STARD8: variants seen among roughly 807,000 people sequenced by gnomAD.
The protein encoded by STARD8 is stAR-related lipid transfer protein 8.
In STARD8, 25 loss-of-function variants were observed where a neutral mutation model predicts 69.4. The ratio of observed to expected loss-of-function variants is 0.36; its 90% confidence interval spans 0.26 to 0.50. STARD8 has a LOEUF of 0.50. Ranked by LOEUF, STARD8 falls within the 20% of genes least tolerant of loss-of-function variation. The probability of loss-of-function intolerance (pLI) is 0.96; values close to 1 mark genes in which losing one functional copy is unlikely to be tolerated. For synonymous variants in STARD8, 389 were observed against 374.6 expected, an observed-to-expected ratio of 1.04 and a Z score of -0.45; for missense variants, 921 against 932.5, an observed-to-expected ratio of 0.99 and a Z score of 0.16.
intron 2 of STARD8, among the ~76,000 whole-genome samples, chrX:68,685,221 C>T (rs2079824054): frequency 1.8e-5 from 2 of 111,836 alleles, no homozygotes; most frequent in African/African-American, 6.5e-5. Context: ...ATTCATTATT[C>T]CCATCGTGTC....
intron 2 of STARD8, among the ~76,000 whole-genome samples, chrX:68,706,392 A>T (rs914203717): frequency 5.4e-5 from 6 of 111,774 alleles, no homozygotes; most frequent in African/African-American, 2.0e-4. Context: ...AGAGAGAGGC[A>T]CCAGTGAACT....
intron 2 of STARD8, among the ~76,000 whole-genome samples, chrX:68,689,063 TCCTGTCCTCG>T (rs2147899679): frequency 9.9e-6 from 1 of 101,011 alleles, no homozygotes; most frequent in East Asian, 3.2e-4. Context: ...AGGGGAGCAC[TCCTGTCCTCG>T]CCTGTTGTGT....
In STARD8 at chrX:68,722,118, A is replaced by G; in HGVS notation, c.2531A>G (p.Gln844Arg). The change falls in exon 11 of 15, where the codon CAG becomes CGG. Residue 844 changes from glutamine to arginine, a missense_variant. Transcript: ENST00000374599. ...RDLSDNMAAT[Q>R]GLSHMISDCK... ...CTGAGTGACAACATGGCAGCCACCC[A>G]GGGCCTGTCGCACATGATCAGTGAC... 1 of 1,207,844 alleles carries G rather than the reference A, an allele frequency of 8.3e-7. No individual in the cohort carries two copies. The highest frequency in any genetic ancestry group is 1.1e-6 in the Non-Finnish European group (1 of 892,695).
chrX:68,722,396 A>C lies in STARD8; in HGVS notation c.2575-26A>C, dbSNP rs772120578. ...GGGGTCTCCTGCTCTCTGGAGCTGC[A>C]GCCCATTGTGTGTGTGCCCTCTCAG... On this transcript the variant is annotated intron_variant, in intron 11 of 14. Transcript: ENST00000374599. 11 of 1,158,545 alleles carry C rather than the reference A, an allele frequency of 9.5e-6. No individual in the cohort carries two copies. In the East Asian group the frequency reaches 3.5e-4, roughly 37 times the overall value.
rs148535305 is a variant in STARD8, at chrX:68,718,451, C to T, written c.1537C>T (p.Leu513=). The T allele has an allele frequency of 6.3e-4, 762 of 1,210,640 alleles. 4 individuals are homozygous for T. The South Asian group carries it at 9.7e-3, about 15-fold the overall frequency. ...SGGEPTFASS[L]SVEEGHSISD... is the part of the protein sequence containing the mutation. ...CGGGGAACCCACCTTTGCCTCTAGCCTGTCTGTGGAAGAAGGACACTCCAT... is the reference window on the plus strand; with the variant it reads ...CGGGGAACCCACCTTTGCCTCTAGCTTGTCTGTGGAAGAAGGACACTCCAT... The change falls in exon 6 of 15, where the codon CTG becomes TTG. Residue 513 remains leucine, a synonymous_variant. Transcript: ENST00000374599.
chrX:68,677,847 C>T (rs1047917267), intron 2 of STARD8, among the ~76,000 whole-genome samples: 3 of 90,253 alleles, frequency 3.3e-5, no homozygotes, highest in East Asian at 4.1e-4. Flanking sequence ...ACCCACCCCC[C>T]CAATGTATGA....
chrX:68,724,439 AG>A lies in STARD8; in HGVS notation c.*20del. ...AAGCTGTGAGCCTTGGGCTGGTCCCAGGGTGGCACCACCCAGGCCCCCTGGG... is the reference window on the plus strand; with the variant it reads ...AAGCTGTGAGCCTTGGGCTGGTCCCAGGTGGCACCACCCAGGCCCCCTGGG... On this transcript the variant is annotated 3_prime_UTR_variant, in exon 15 of 15. Coordinates refer to ENST00000374599, the MANE Select transcript of STARD8 (RefSeq NM_001142503.3). 3 of 1,175,874 alleles carry A rather than the reference AG, an allele frequency of 2.6e-6. No homozygotes were observed. Among genetic ancestry groups the A allele is most frequent in the Non-Finnish European group, 3.5e-6 (3 of 868,440 alleles).
In STARD8 at chrX:68,718,068, A is replaced by G. The variant is rs201447670; in HGVS notation, c.1154A>G (p.Tyr385Cys). 4.0e-5 allele frequency: 48 copies of G among 1,209,525 alleles called. No homozygotes were observed. The highest frequency in any genetic ancestry group is 5.3e-5 in the Non-Finnish European group (47 of 894,984). Residue 385 changes from tyrosine to cysteine, a missense_variant, in exon 6 of 15, where the codon TAT (tyrosine) becomes TGT (cysteine). Tyr to Cys is a radical substitution (Grantham distance 194). Transcript: ENST00000374599. ...DEDDEESGGS[Y>C]AHLDDILQHV... Reference sequence around the variant, plus strand: ...GATGATGAGGAGAGTGGGGGCAGCTATGCTCACCTAGACGACATCCTCCAG... The same window carrying G: ...GATGATGAGGAGAGTGGGGGCAGCTGTGCTCACCTAGACGACATCCTCCAG...
intron 2 of STARD8, 34 bp downstream of exon 2, chrX:68,665,566 A>G (rs2147880241): frequency 8.4e-7 from 1 of 1,196,684 alleles, no homozygotes; most frequent in Non-Finnish European, 1.1e-6. Flanking sequence ...CAAGTGGCAT[A>G]CAAAGAGACT....
chrX:68,668,806 T>G (rs1356461885), intron 2 of STARD8, among the ~76,000 whole-genome samples: 1 of 112,132 alleles, frequency 8.9e-6, no homozygotes, highest in Non-Finnish European at 1.9e-5. Flanking sequence ...TCCATGCCAT[T>G]AAGTACTTAA....
Position 68,716,375 on chromosome X carries a change from A to G in STARD8, c.241A>G (p.Met81Val). 8.3e-7 allele frequency: 1 copy of G among 1,210,870 alleles called. No homozygotes were observed. The highest frequency in any genetic ancestry group is 1.1e-6 in the Non-Finnish European group (1 of 894,999). The change falls in exon 5 of 15, where the codon ATG (methionine) becomes GTG (valine). Residue 81 changes from methionine to valine, a missense_variant. Transcript: ENST00000374599. The part of the protein sequence containing the change: ...DSLGALCRRL[M>V]TLNNCASMKL... ...ACTTCCATTTTGTTACAGGAGGCTG[A>G]TGACCTTGAATAATTGTGCCTCGAT...
chrX:68,691,738 CCCT>C (rs2079878005), intron 2 of STARD8, among the ~76,000 whole-genome samples: 1 of 111,934 alleles, frequency 8.9e-6, no homozygotes, highest in African/African-American at 3.3e-5. Flanking sequence ...TCATACTATA[CCCT>C]CCTCCTTTTT....
intron 1 of STARD8, among the ~76,000 whole-genome samples, chrX:68,652,044 G>C (rs2079551452): frequency 9.5e-6 from 1 of 105,104 alleles, no homozygotes; most frequent in Non-Finnish European, 1.9e-5. Flanking sequence ...TTTTAGTAGA[G>C]ACAGGGTTTC....
intron 2 of STARD8, chrX:68,693,528 A>C (rs756156106): frequency 4.6e-4 from 236 of 518,577 alleles, no homozygotes; most frequent in Non-Finnish European, 5.2e-4. Context: ...GCCCACCCAG[A>C]TTTGGGTGAC....
intron 1 of STARD8, among the ~76,000 whole-genome samples, chrX:68,653,743 C>CCACACA (rs1344880105): frequency 2.1e-5 from 2 of 97,413 alleles, no homozygotes; most frequent in Admixed American, 2.2e-4. Context: ...ACACCACACG[C>CCACACA]CACACACACA....
At chrX:68,665,451 A>T (rs1279459328) in intron 1 of STARD8, 48 bp from the exon 2 acceptor site, 6 of 1,173,961 alleles carry the variant, frequency 5.1e-6, no homozygotes, top group Non-Finnish European at 6.9e-6. Context: ...TTCAGTTCAG[A>T]TATTGCATCT....
At chrX:68,664,529 G>A (rs138130889) in intron 1 of STARD8, among the ~76,000 whole-genome samples, 345 of 111,619 alleles carry the variant, frequency 3.1e-3, no homozygotes, top group Non-Finnish European at 4.3e-3. Context: ...TTCACCATCC[G>A]CCTGAAATGC....
chrX:68,710,779 G>T (rs2080043291), intron 2 of STARD8, among the ~76,000 whole-genome samples: 2 of 112,435 alleles, frequency 1.8e-5, no homozygotes, highest in African/African-American at 6.5e-5. Context: ...AGGGGCCACT[G>T]TCTGCTCCTG....
rs111938860 is a variant in STARD8 at position 68,713,716 on chromosome X, C to T, written c.151+731C>T. Among the ~76,000 whole-genome samples, 790 of 111,886 alleles carry T rather than the reference C, an allele frequency of 7.1e-3. 4 individuals are homozygous for T. Among genetic ancestry groups the T allele is most frequent in the Middle Eastern group, 0.028 (6 of 217 alleles). ...GTTTAGGATATCCCAGGGCTCTGTC[C>T]GGGGCCCTCTTCTCTCTCAACATTT... On this transcript the variant is annotated intron_variant, in intron 3 of 14. Transcript: ENST00000374599.
Sources: gnomAD v4.1 joint callset for allele counts (sites outside exome capture counted in the v4.1 genomes callset) on GRCh38, gnomAD v4.1.1 for gene constraint, MANE v1.5 for transcripts, NCBI Gene and HGNC (gene_info 2026-07-23, HGNC 2026-07-21) for gene names.